Variants in HGSNAT observed in about 807,000 individuals in gnomAD.
HGSNAT encodes the protein heparan-alpha-glucosaminide N-acetyltransferase, also known as transmembrane protein 76.
In HGSNAT, 59 loss-of-function variants were observed where a neutral mutation model predicts 85.2. That is an observed-to-expected ratio of 0.69 (90% CI 0.56 to 0.86). The LOEUF is 0.86. Among genes scored for constraint, HGSNAT ranks in the 40% least tolerant of loss-of-function variants. HGSNAT has a pLI of 0.00. For synonymous variants in HGSNAT, 321 were observed against 304.5 expected, an observed-to-expected ratio of 1.05 and a Z score of -0.56; for missense variants, 756 against 777.1, an observed-to-expected ratio of 0.97 and a Z score of 0.32.
rs184862130 is a variant in HGSNAT at position 43,189,844 on chromosome 8, T to C, written c.1129-1630T>C. On this transcript the variant is annotated intron_variant, in intron 11 of 17. Coordinates refer to ENST00000379644, the MANE Select transcript of HGSNAT (RefSeq NM_152419.3). ...ATCTGACCTCGTGATCTGCCTGCCT[T>C]GGCCTCCCAAAGTGCTGGGAGTACA... 6.6e-3 allele frequency among the ~76,000 whole-genome samples: 1,012 copies of C among 152,314 alleles called. 15 individuals carry two copies. Among genetic ancestry groups the C allele is most frequent in the African/African-American group, 0.023 (967 of 41,560 alleles).
At chr8:43,173,826 G>C in intron 9 of HGSNAT, 83 bp downstream of exon 9, 3 of 1,424,026 alleles carry the variant, frequency 2.1e-6, no homozygotes, top group South Asian at 2.4e-5. Context: ...CCTCTCTTCT[G>C]AGACGGGCAT....
chr8:43,154,654 T>G (rs553178492), intron 2 of HGSNAT, among the ~76,000 whole-genome samples: 1 of 152,176 alleles, frequency 6.6e-6, no homozygotes, highest in Non-Finnish European at 1.5e-5. Context: ...GCAATAAACA[T>G]ATGTGTGCAT....
chr8:43,193,714 C>A, intron 13 of HGSNAT, 43 bp from the exon 14 acceptor site: 1 of 1,319,924 alleles, frequency 7.6e-7, no homozygotes, highest in Non-Finnish European at 1.1e-6. Context: ...TACGTGTTTT[C>A]AGATCAGTGA....
intron 2 of HGSNAT, among the ~76,000 whole-genome samples, chr8:43,157,501 C>G (rs940429282): frequency 1.3e-5 from 2 of 152,044 alleles, no homozygotes; most frequent in African/African-American, 2.4e-5. Flanking sequence ...CTTGGCCAGG[C>G]ATGGTGGCTT....
intron 2 of HGSNAT, among the ~76,000 whole-genome samples, chr8:43,153,747 C>T (rs898085244): frequency 6.6e-6 from 1 of 152,178 alleles, no homozygotes. Flanking sequence ...TTACTCTCTA[C>T]TTCTATGAGG....
intron 7 of HGSNAT, among the ~76,000 whole-genome samples, chr8:43,171,497 G>T (rs1480774742): frequency 6.6e-6 from 1 of 152,108 alleles, no homozygotes; most frequent in Non-Finnish European, 1.5e-5. Flanking sequence ...AAAAGTAAAA[G>T]AAATTGTGCT....
chr8:43,186,971 C>G (rs1233847090), intron 11 of HGSNAT, among the ~76,000 whole-genome samples: 2 of 152,130 alleles, frequency 1.3e-5, no homozygotes, highest in East Asian at 3.8e-4. Context: ...TTTCTTAATC[C>G]TGAGTTCTAA....
chr8:43,200,346 C>T lies in HGSNAT; in HGVS notation c.*777C>T, dbSNP rs1015601358. 5.3e-5 allele frequency: 8 copies of T among 152,184 alleles called. No homozygotes were observed. Among genetic ancestry groups the T allele is most frequent in the African/African-American group, 1.9e-4 (8 of 41,434 alleles). The allele number at this position is 152,184 out of a possible 1,614,324, so 9.4% of individuals were successfully genotyped here. On this transcript the variant is annotated 3_prime_UTR_variant, in exon 18 of 18. Coordinates refer to ENST00000379644, the MANE Select transcript of HGSNAT (RefSeq NM_152419.3). ...GCCTGTGGGTCCAGCTGAGCCATCC[C>T]TGCTGGGTGATGCTGGGCAAGACCC...
intron 10 of HGSNAT, chr8:43,181,743 A>C (rs560874177): frequency 5.5e-6 from 1 of 182,060 alleles, no homozygotes; most frequent in East Asian, 1.4e-4. Context: ...TAGGGCAGGG[A>C]GAGTGGCTTG....
At chr8:43,194,773 A>G (rs1193463922) in intron 14 of HGSNAT, among the ~76,000 whole-genome samples, 1 of 152,174 alleles carries the variant, frequency 6.6e-6, no homozygotes, top group East Asian at 1.9e-4. Context: ...CATCCCGTGA[A>G]TGGGATTGTT....
At chr8:43,167,973 C>CG (rs1230960247) in intron 5 of HGSNAT, 6 of 245,992 alleles carry the variant, frequency 2.4e-5, no homozygotes, top group African/African-American at 1.2e-4. Context: ...GGCTGGAGTG[C>CG]GGTGGCACCA....
At chr8:43,159,245 A>G (rs1482552949) in intron 4 of HGSNAT, among the ~76,000 whole-genome samples, 3 of 152,160 alleles carry the variant, frequency 2.0e-5, no homozygotes, top group African/African-American at 7.2e-5. Flanking sequence ...TATTTAAAAT[A>G]TGTTTATTGT....
intron 2 of HGSNAT, among the ~76,000 whole-genome samples, chr8:43,152,591 T>C (rs986584663): frequency 1.6e-4 from 24 of 152,078 alleles, no homozygotes; most frequent in Non-Finnish European, 2.9e-4. Context: ...GCTAGGACTA[T>C]AGGCGTGGAC....
chr8:43,188,903 T>G (rs1172198089), intron 11 of HGSNAT, among the ~76,000 whole-genome samples: 3 of 152,226 alleles, frequency 2.0e-5, no homozygotes, highest in Non-Finnish European at 4.4e-5. Context: ...TGTTGGAGTT[T>G]GCTGGAGGTC....
chr8:43,184,255 G>A (rs1173223417), intron 11 of HGSNAT, among the ~76,000 whole-genome samples: 7 of 152,178 alleles, frequency 4.6e-5, no homozygotes, highest in African/African-American at 1.7e-4. Context: ...CCCACCAACA[G>A]TGTAAAAGTG....
rs760252599 is a variant in HGSNAT, at chr8:43,178,192, A to G, written c.970A>G (p.Ile324Val). The change falls in exon 10 of 18, where the codon ATA becomes GTA. Residue 324 changes from isoleucine (I) to valine (V), a missense_variant. Coordinates refer to ENST00000379644, the MANE Select transcript of HGSNAT (RefSeq NM_152419.3). The stretch of plus-strand genomic sequence containing the variant: ...ATGGAGGAGTTTCCTGTTAATCTGC[A>G]TAGGAATTATCATTGTGAATCCCAA... ...IAWRSFLLICIGIIIVNPNYC... is the reference protein window; with the variant it reads ...IAWRSFLLICVGIIIVNPNYC... The G allele has an allele frequency of 4.4e-6, 7 of 1,580,576 alleles. No homozygotes were observed. Among genetic ancestry groups the G allele is most frequent in the South Asian group, 2.4e-5 (2 of 83,826 alleles).
intron 1 of HGSNAT, 127 bp downstream of exon 1, chr8:43,140,741 G>A (rs1165099912): frequency 3.2e-6 from 1 of 314,766 alleles, no homozygotes; most frequent in East Asian, 7.9e-5. Context: ...CCGTGGCCTG[G>A]GCTGTTGCTG....
intron 10 of HGSNAT, among the ~76,000 whole-genome samples, chr8:43,179,350 G>A (rs1322236825): frequency 1.2e-3 from 166 of 143,352 alleles, no homozygotes; most frequent in African/African-American, 4.2e-3. Context: ...GGATAGGGCG[G>A]CTGGCTGGGC....
At position 43,147,200 on chromosome 8, in the gene HGSNAT, C is replaced by T. The variant is rs567595879; in HGVS notation, c.234+137C>T. Reference sequence around the variant, plus strand: ...GAAACAAAGAAGCTATATAAAGAGTCGGAAGAAATACAGTCAGGGGAGGAT... The same window carrying T: ...GAAACAAAGAAGCTATATAAAGAGTTGGAAGAAATACAGTCAGGGGAGGAT... On this transcript the variant is annotated intron_variant, in intron 2 of 17. Transcript: ENST00000379644. 804 of 572,500 alleles carry T rather than the reference C, an allele frequency of 1.4e-3. 1 individual carries two copies. Among genetic ancestry groups the T allele is most frequent in the Non-Finnish European group, 2.2e-3 (739 of 330,330 alleles). 35.5% of individuals were successfully genotyped at this position (572,500 alleles called of 1,614,324 possible).
Sources: allele counts gnomAD v4.1 joint callset (sites outside exome capture counted in the v4.1 genomes callset), GRCh38; gene constraint gnomAD v4.1.1; transcripts MANE v1.5; gene names NCBI Gene and HGNC (gene_info 2026-07-23, HGNC 2026-07-21).